NTNG2: variants seen among roughly 807,000 people sequenced by gnomAD.
The protein encoded by NTNG2 is netrin G2.
Under a neutral mutation model 47.6 loss-of-function variants are expected in NTNG2, and 15 were observed. The observed-to-expected ratio is 0.32, with a 90% CI of 0.21 to 0.49. The LOEUF is 0.49. Among genes scored for constraint, NTNG2 ranks in the 20% least tolerant of loss-of-function variants. NTNG2 has a pLI of 0.99. For missense variants in NTNG2, 578 were observed against 764.6 expected (o/e 0.76, Z 2.88); for synonymous variants, 307 against 324.6 (o/e 0.95, Z 0.58).
intron 3 of NTNG2, among the ~76,000 whole-genome samples, chr9:132,209,397 A>G (rs1172104986): frequency 6.6e-6 from 1 of 152,114 alleles, no homozygotes; most frequent in African/African-American, 2.4e-5. Context: ...GGGAGTCCTG[A>G]GCTCCGCGGT....
intron 2 of NTNG2, among the ~76,000 whole-genome samples, chr9:132,186,982 G>A (rs879632934): frequency 6.6e-6 from 1 of 152,244 alleles, no homozygotes; most frequent in Non-Finnish European, 1.5e-5. Context: ...GGCCTAAAGT[G>A]CTCCCTTTCC....
chr9:132,161,930 T>A (rs1458502838), upstream of NTNG2: 1 of 150,584 alleles, frequency 6.6e-6, no homozygotes, highest in East Asian at 2.0e-4. The surrounding 1 kb of genome is among the most constrained non-coding windows in gnomAD (Gnocchi z 7.2). Context: ...AGTTTGCACT[T>A]GTTAGCGGCG....
At chr9:132,178,996 A>G (rs1241243700) in intron 2 of NTNG2, among the ~76,000 whole-genome samples, 1 of 134,540 alleles carries the variant, frequency 7.4e-6, no homozygotes, top group African/African-American at 2.9e-5. Flanking sequence ...CTGATGAGGC[A>G]CATCCCCCCC....
At position 132,162,498 on chromosome 9, in the gene NTNG2, C is replaced by T. The variant is rs1835106425; in HGVS notation, c.-484+259C>T. ...TTAAAGGGGTAGCTTGTCTTTCTGG[C>T]CAGCTTCCCCCGGGTCCTTTCCGTC... is the stretch of plus-strand genomic sequence containing the variant. On this transcript the variant is annotated intron_variant, in intron 1 of 7. Coordinates refer to ENST00000393229, the MANE Select transcript of NTNG2 (RefSeq NM_032536.4). The surrounding 1 kb of genome is among the most constrained non-coding windows in gnomAD (Gnocchi z 4.6). 6.6e-6 allele frequency among the ~76,000 whole-genome samples: 1 copy of T among 151,358 alleles called. No individual in the cohort carries two copies. The highest frequency in any genetic ancestry group is 6.6e-5 in the Admixed American group (1 of 15,220).
rs1194541670 is a variant in NTNG2 at position 132,182,834 on chromosome 9, G to A, written c.214-15132G>A. 6.6e-6 allele frequency among the ~76,000 whole-genome samples: 1 copy of A among 152,216 alleles called. No homozygotes were observed. The highest frequency in any genetic ancestry group is 2.4e-5 in the African/African-American group (1 of 41,456). On this transcript the variant is annotated intron_variant, in intron 2 of 7. Transcript: ENST00000393229. This position sits in a 1 kb window ranked among gnomAD's most constrained non-coding sequence, Gnocchi z 4.2. ...GGCTGCCCTCTAAGCCACTCGGCTG[G>A]CTCTCAGCCGGGGTGCACACTGGAC...
At chr9:132,235,359 AG>A (rs1181470300) in intron 5 of NTNG2, among the ~76,000 whole-genome samples, 2 of 152,126 alleles carry the variant, frequency 1.3e-5, no homozygotes, top group African/African-American at 4.8e-5. Flanking sequence ...CGGCACAGGG[AG>A]TGTAGAAGGG....
chr9:132,227,288 G>C (rs558121996), intron 4 of NTNG2, among the ~76,000 whole-genome samples: 1 of 152,230 alleles, frequency 6.6e-6, no homozygotes, highest in Non-Finnish European at 1.5e-5. Flanking sequence ...GCTCCCAAAC[G>C]CCAGGTCTCA....
Position 132,242,480 on chromosome 9 carries a change from C to CA in NTNG2, c.*370dup, listed in dbSNP as rs1842053580. The CA allele has an allele frequency of 6.6e-6, 1 of 151,918 alleles. No individual in the cohort carries two copies. The highest frequency in any genetic ancestry group is 2.4e-5 in the African/African-American group (1 of 41,246). 9.4% of individuals were successfully genotyped at this position (151,918 alleles called of 1,614,324 possible). On this transcript the variant is annotated 3_prime_UTR_variant, in exon 8 of 8. Coordinates refer to ENST00000393229, the MANE Select transcript of NTNG2 (RefSeq NM_032536.4). The surrounding 1 kb of genome is among the most constrained non-coding windows in gnomAD (Gnocchi z 5.9). The stretch of plus-strand genomic sequence containing the variant: ...CGTCCTGCCTCCCACCACACTTACA[C>CA]ACACGGGACTGTGGCCGACACCCCC...
chr9:132,227,067 T>C, intron 4 of NTNG2, 46 bp downstream of exon 4: 2 of 1,520,052 alleles, frequency 1.3e-6, no homozygotes, highest in South Asian at 2.5e-5. Flanking sequence ...GCTATAATCT[T>C]CCCTGCCCGT....
chr9:132,183,943 C>T (rs1325722185), intron 2 of NTNG2, among the ~76,000 whole-genome samples: 1 of 152,180 alleles, frequency 6.6e-6, no homozygotes, highest in Non-Finnish European at 1.5e-5. Context: ...ACACCCCTCC[C>T]GTCCCCAGGT....
In NTNG2 at chr9:132,226,747, A is replaced by G; in HGVS notation, c.858-102A>G. The G allele has an allele frequency of 5.5e-6, 6 of 1,086,964 alleles. No homozygotes were observed. The South Asian group carries it at 6.8e-5, about 12-fold the overall frequency. The allele number at this position is 1,086,964 out of a possible 1,614,324, so 67.3% of individuals were successfully genotyped here. A position where few individuals can be genotyped will look rare whatever the true frequency, so the allele number is the denominator to read the frequency against. ...CCAGGGTTTCTTCCTGGGCAGCCCA[A>G]CACCCTCCTGGGCCCCTCCTGGGAG... On this transcript the variant is annotated intron_variant, in intron 3 of 7. Coordinates refer to ENST00000393229, the MANE Select transcript of NTNG2 (RefSeq NM_032536.4). The surrounding 1 kb of genome is among the most constrained non-coding windows in gnomAD (Gnocchi z 4.8).
intron 7 of NTNG2, 45 bp downstream of exon 7, chr9:132,241,089 ACGGGGCAGGACCGAGGCAGTGGG>A (rs1841950465): frequency 6.5e-7 from 1 of 1,529,844 alleles, no homozygotes. Flanking sequence ...CGGAAAGGGG[ACGGGGCAGGACCGAGGCAGTGGG>A]CGGGGCCTAG....
rs115542643 is a variant in NTNG2 at position 132,226,169 on chromosome 9, C to T, written c.858-680C>T. 3.7e-3 allele frequency among the ~76,000 whole-genome samples: 562 copies of T among 152,300 alleles called. 2 individuals are homozygous for T. The highest frequency in any genetic ancestry group is 0.013 in the African/African-American group (539 of 41,558). On this transcript the variant is annotated intron_variant, in intron 3 of 7. Transcript: ENST00000393229. The surrounding 1 kb of genome is among the most constrained non-coding windows in gnomAD (Gnocchi z 4.8). The stretch of plus-strand genomic sequence containing the variant: ...AAAGAAGCTTCCCCTCATCAACTTT[C>T]GGTTACCCCGAGGTACAGTTTATAT...
chr9:132,241,938 C>T lies in NTNG2; in HGVS notation c.1420C>T (p.Arg474Cys). ...CGGAGGCACCTGCCTGCAGAACCAGCGCTGCGCCTGCCCGCGCGGCTACAC... is the reference window on the plus strand; with the variant it reads ...CGGAGGCACCTGCCTGCAGAACCAGTGCTGCGCCTGCCCGCGCGGCTACAC... ...QNGGTCLQNQ[R>C]CACPRGYTGV... Residue 474 changes from arginine (R) to cysteine (C), a missense_variant, in exon 8 of 8, where the codon CGC becomes TGC. Arg to Cys is a radical substitution (Grantham distance 180, BLOSUM62 -3). Transcript: ENST00000393229. The T allele has an allele frequency of 6.4e-7, 1 of 1,566,990 alleles. No homozygotes were observed.
In NTNG2 at chr9:132,197,653, C is replaced by CTCTG. The variant is rs1458999294; in HGVS notation, c.214-311_214-308dup. 6.6e-6 allele frequency among the ~76,000 whole-genome samples: 1 copy of CTCTG among 152,170 alleles called. No homozygotes were observed. The highest frequency in any genetic ancestry group is 1.5e-5 in the Non-Finnish European group (1 of 68,042). On this transcript the variant is annotated intron_variant, in intron 2 of 7. Coordinates refer to ENST00000393229, the MANE Select transcript of NTNG2 (RefSeq NM_032536.4). This position sits in a 1 kb window ranked among gnomAD's most constrained non-coding sequence, Gnocchi z 4.3. Reference sequence around the variant, plus strand: ...GGGTTGGTATATTACAGAGTCAGGACTCTGTATTCCAGGCAACGGGGAGCC... The same window carrying CTCTG: ...GGGTTGGTATATTACAGAGTCAGGACTCTGTCTGTATTCCAGGCAACGGGGAGCC...
chr9:132,162,569 A>AGAGAGTGT lies in NTNG2; in HGVS notation c.-484+331_-484+332insAGAGTGTG, dbSNP rs1247026951. On this transcript the variant is annotated intron_variant, in intron 1 of 7. Transcript: ENST00000393229. This position sits in a 1 kb window ranked among gnomAD's most constrained non-coding sequence, Gnocchi z 4.6. ...GTGTGTGTGTGTGAGAGAGAGACAG[A>AGAGAGTGT]GTGTGTGTGTGTGTGTGTGTGTGTG... Among the ~76,000 whole-genome samples the AGAGAGTGT allele has an allele frequency of 1.8e-5, 2 of 112,404 alleles. No individual in the cohort carries two copies. Among genetic ancestry groups the AGAGAGTGT allele is most frequent in the African/African-American group, 7.1e-5 (2 of 28,230 alleles). 73.7% of individuals were successfully genotyped at this position (112,404 alleles called of 152,430 possible). A position where few individuals can be genotyped will look rare whatever the true frequency, so the allele number is the denominator to read the frequency against.
rs184059216 is a variant in NTNG2, at chr9:132,206,559, C to T, written c.857+7950C>T. Reference sequence around the variant, plus strand: ...GCGTGCACCTGTAATCCCAGCTACTCGGGAGGCTGAGGCAGGAGAATCACT... The same window carrying T: ...GCGTGCACCTGTAATCCCAGCTACTTGGGAGGCTGAGGCAGGAGAATCACT... On this transcript the variant is annotated intron_variant, in intron 3 of 7. Coordinates refer to ENST00000393229, the MANE Select transcript of NTNG2 (RefSeq NM_032536.4). Among the ~76,000 whole-genome samples, 23 of 152,236 alleles carry T rather than the reference C, an allele frequency of 1.5e-4. No homozygotes were observed. The East Asian group carries it at 2.1e-3, about 14-fold the overall frequency.
rs1589460444 is a variant in NTNG2, at chr9:132,205,551, T to C, written c.857+6942T>C. ...GATGGTAACGGTGCTTGCACAGCACTGTGGATGTGCTAATGCCACCAGACT... is the reference window on the plus strand; with the variant it reads ...GATGGTAACGGTGCTTGCACAGCACCGTGGATGTGCTAATGCCACCAGACT... On this transcript the variant is annotated intron_variant, in intron 3 of 7. Transcript: ENST00000393229. 4.6e-5 allele frequency among the ~76,000 whole-genome samples: 7 copies of C among 152,322 alleles called. 1 individual carries two copies. Among genetic ancestry groups the C allele is most frequent in the Admixed American group, 4.6e-4 (7 of 15,296 alleles).
At chr9:132,186,213 C>A (rs970091970) in intron 2 of NTNG2, among the ~76,000 whole-genome samples, 1 of 152,138 alleles carries the variant, frequency 6.6e-6, no homozygotes, top group African/African-American at 2.4e-5. Flanking sequence ...GGGAGCCTTA[C>A]CCTGTCTGAG....
Sources: gnomAD v4.1 joint callset for allele counts (sites outside exome capture counted in the v4.1 genomes callset) on GRCh38, gnomAD v4.1.1 for gene constraint, Gnocchi (gnomAD v3.1) non-coding constraint, MANE v1.5 for transcripts, NCBI Gene and HGNC (gene_info 2026-07-23, HGNC 2026-07-21) for gene names.